Variants in EVC observed in about 807,000 individuals in gnomAD.
EVC encodes EvC ciliary complex subunit 1.
EVC carries 116 observed loss-of-function variants against 118.9 expected under a neutral mutation model. That is an observed-to-expected ratio of 0.98 (90% CI 0.84 to 1.14). The LOEUF is 1.14. Ranked by LOEUF, EVC falls within the 50% of genes most tolerant of loss-of-function variation. EVC has a pLI of 0.00. For synonymous variants in EVC, 619 were observed against 534.7 expected (o/e 1.16, Z -2.18); for missense variants, 1,401 against 1,246.4 (o/e 1.12, Z -1.87).
chr4:5,827,969 A>AAAT, the EVC span: 4 of 917,746 alleles, frequency 4.4e-6, no homozygotes, highest in Non-Finnish European at 5.2e-6. Context: ...TGTTCAAGGA[A>AAAT]AATAAGGAAC....
At chr4:5,810,128 T>C (rs1034856517) in intron 19 of EVC, among the ~76,000 whole-genome samples, 6 of 152,200 alleles carry the variant, frequency 3.9e-5, no homozygotes, top group Admixed American at 2.0e-4. Context: ...CTCTGCCACT[T>C]CCTGGCTTGT....
chr4:5,720,277 C>T (rs545404562), intron 2 of EVC, among the ~76,000 whole-genome samples: 1 of 152,288 alleles, frequency 6.6e-6, no homozygotes, highest in East Asian at 1.9e-4. Context: ...CCAACACTCA[C>T]GTGAATGATC....
chr4:5,798,864 G>C lies in EVC; in HGVS notation c.2304+72G>C. The C allele has an allele frequency of 6.7e-7, 1 of 1,488,550 alleles. No homozygotes were observed. Among genetic ancestry groups the C allele is most frequent in the Middle Eastern group, 2.4e-4 (1 of 4,222 alleles). The allele number at this position is 1,488,550 out of a possible 1,614,324, so 92.2% of individuals were successfully genotyped here. A position where few individuals can be genotyped will look rare whatever the true frequency, so the allele number is the denominator to read the frequency against. On this transcript the variant is annotated intron_variant, in intron 15 of 20. Transcript: ENST00000264956. The surrounding 1 kb of genome is among the most constrained non-coding windows in gnomAD (Gnocchi z 4.1). ...CAGGGTAGGGTCCATGCCTGGGTCT[G>C]CTCCTTGCCACACCGTTCATGGAGC...
At position 5,812,748 on chromosome 4, in the gene EVC, A is replaced by C. The variant is rs993724938; in HGVS notation, c.*1711A>C. On this transcript the variant is annotated 3_prime_UTR_variant, in exon 21 of 21. Transcript: ENST00000264956. ...GGGAAGGAGCTGCCCAGAGCATCAC[A>C]GGATGTTCCAGTGTCCCTGGTCTCT... 1 of 153,426 alleles carries C rather than the reference A, an allele frequency of 6.5e-6. No individual in the cohort carries two copies. The highest frequency in any genetic ancestry group is 2.4e-5 in the African/African-American group (1 of 41,472). 9.5% of individuals were successfully genotyped at this position (153,426 alleles called of 1,614,324 possible).
intron 11 of EVC, among the ~76,000 whole-genome samples, chr4:5,776,361 T>C (rs1336061369): frequency 6.6e-6 from 1 of 152,154 alleles, no homozygotes; most frequent in Non-Finnish European, 1.5e-5. Flanking sequence ...CTGTGTTTAC[T>C]AGGTGCTGGC....
intron 11 of EVC, among the ~76,000 whole-genome samples, chr4:5,760,973 T>C (rs1220146580): frequency 6.6e-6 from 1 of 152,186 alleles, no homozygotes; most frequent in African/African-American, 2.4e-5. Context: ...TTACATTTCC[T>C]CAATTTGGAA....
chr4:5,810,573 C>G, intron 20 of EVC, 123 bp downstream of exon 20: 1 of 769,508 alleles, frequency 1.3e-6, no homozygotes, highest in South Asian at 1.5e-5. Flanking sequence ...TGTGAAGGTT[C>G]AAGAAATGAC....
the EVC span, chr4:5,824,902 C>T: frequency 1.0e-6 from 1 of 985,416 alleles, no homozygotes; most frequent in African/African-American, 1.7e-5. Context: ...TTAAGAAAGT[C>T]AGGAGGGATC....
intron 11 of EVC, among the ~76,000 whole-genome samples, chr4:5,757,755 A>G (rs1186246480): frequency 1.3e-5 from 2 of 152,070 alleles, no homozygotes; most frequent in Non-Finnish European, 2.9e-5. Flanking sequence ...TCTAACCTTA[A>G]TTACCTCCTT....
At chr4:5,727,014 T>C (rs1044572850) in intron 2 of EVC, among the ~76,000 whole-genome samples, 2 of 152,182 alleles carry the variant, frequency 1.3e-5, no homozygotes, top group Admixed American at 1.3e-4. Flanking sequence ...CTATTGTGAA[T>C]AGTGCCGCAA....
At position 5,807,415 on chromosome 4, in the gene EVC, G is replaced by A. The variant is rs568914303; in HGVS notation, c.2562-786G>A. On this transcript the variant is annotated intron_variant, in intron 17 of 20. Coordinates refer to ENST00000264956, the MANE Select transcript of EVC (RefSeq NM_153717.3). ...TTTCACACCTCGGAGCACTCCACAC[G>A]CACAGCTGCCTATCCATGCTAAAGG... Among the ~76,000 whole-genome samples the A allele has an allele frequency of 1.6e-4, 24 of 152,296 alleles. No homozygotes were observed. The South Asian group carries it at 4.8e-3, about 30-fold the overall frequency.
rs1717269470 is a variant in EVC at position 5,813,803 on chromosome 4, A to G, written c.*2766A>G. The stretch of plus-strand genomic sequence containing the variant: ...CTTCCTTAGCCAAAGGGAACGTGTC[A>G]TTTGCTCGACCCTGGCCCACCCTTG... On this transcript the variant is annotated 3_prime_UTR_variant, in exon 21 of 21. Coordinates refer to ENST00000264956, the MANE Select transcript of EVC (RefSeq NM_153717.3). The G allele has an allele frequency of 6.6e-6, 1 of 152,128 alleles. No homozygotes were observed. The highest frequency in any genetic ancestry group is 2.4e-5 in the African/African-American group (1 of 41,422). The allele number at this position is 152,128 out of a possible 1,614,324, so 9.4% of individuals were successfully genotyped here.
At chr4:5,827,160 G>C in the EVC span, among the ~76,000 whole-genome samples, 3 of 152,216 alleles carry the variant, frequency 2.0e-5, no homozygotes, top group Non-Finnish European at 4.4e-5. Flanking sequence ...CTTGGCATTT[G>C]GGGTCAGATA....
intron 2 of EVC, among the ~76,000 whole-genome samples, chr4:5,720,551 G>A (rs1724776619): frequency 6.6e-6 from 1 of 152,204 alleles, no homozygotes; most frequent in Admixed American, 6.5e-5. Context: ...GTGGGCTCGG[G>A]ATATAAAAAC....
rs1376618009 is a variant in EVC at position 5,783,659 on chromosome 4, G to C, written c.1671G>C (p.Leu557Phe). The change falls in exon 12 of 21, where the codon TTG (leucine) becomes TTC (phenylalanine). Residue 557 changes from leucine (L) to phenylalanine (F), a missense_variant. Coordinates refer to ENST00000264956, the MANE Select transcript of EVC (RefSeq NM_153717.3). ...TCCCCCCGGAAGAGTGTGACTACTT[G>C]AGGCAGGAAGTCCAGGAGAACGCTG... ...TGLPPEECDY[L>F]RQEVQENAAW... 6 of 1,614,180 alleles carry C rather than the reference G, an allele frequency of 3.7e-6. No homozygotes were observed. The highest frequency in any genetic ancestry group is 8.5e-7 in the Non-Finnish European group (1 of 1,180,026).
chr4:5,758,986 C>G (rs546882560), intron 11 of EVC, among the ~76,000 whole-genome samples: 1 of 151,770 alleles, frequency 6.6e-6, no homozygotes, highest in South Asian at 2.1e-4. Context: ...CTTGACTTAC[C>G]GGGGAAACTC....
At chr4:5,736,900 G>C (rs1470036961) in intron 5 of EVC, among the ~76,000 whole-genome samples, 1 of 152,200 alleles carries the variant, frequency 6.6e-6, no homozygotes, top group Non-Finnish European at 1.5e-5. Flanking sequence ...GAGTGAAAGA[G>C]AGTCGCGTGT....
the EVC span, among the ~76,000 whole-genome samples, chr4:5,819,908 C>T: frequency 2.6e-5 from 4 of 152,170 alleles, no homozygotes; most frequent in East Asian, 1.9e-4. Context: ...GGTATCCACA[C>T]GAAGCCGAGG....
chr4:5,812,347 C>A lies in EVC; in HGVS notation c.*1310C>A. The A allele has an allele frequency of 6.1e-6, 1 of 163,554 alleles. No homozygotes were observed. The highest frequency in any genetic ancestry group is 1.3e-5 in the Non-Finnish European group (1 of 77,104). 10.1% of individuals were successfully genotyped at this position (163,554 alleles called of 1,614,324 possible). ...CACTACAGCCAGAAGAGGCCTTTCCCACCGGGAGAGGAACTTCCAGACCAG... is the reference window on the plus strand; with the variant it reads ...CACTACAGCCAGAAGAGGCCTTTCCAACCGGGAGAGGAACTTCCAGACCAG... On this transcript the variant is annotated 3_prime_UTR_variant, in exon 21 of 21. Transcript: ENST00000264956.
Sources: gnomAD v4.1 joint callset for allele counts (sites outside exome capture counted in the v4.1 genomes callset) on GRCh38, gnomAD v4.1.1 for gene constraint, Gnocchi (gnomAD v3.1) non-coding constraint, MANE v1.5 for transcripts, NCBI Gene and HGNC (gene_info 2026-07-23, HGNC 2026-07-21) for gene names.